Variants in PTPRN2 observed in about 807,000 individuals in gnomAD.
PTPRN2 encodes receptor-type tyrosine-protein phosphatase N2.
A neutral mutation model predicts 118.8 loss-of-function variants in PTPRN2; 74 were observed. The observed-to-expected ratio is 0.62, with a 90% CI of 0.52 to 0.76. PTPRN2 has a LOEUF of 0.76. Among genes scored for constraint, PTPRN2 ranks in the 30% least tolerant of loss-of-function variants. The pLI is 0.00. For missense variants in PTPRN2, 1,481 were observed against 1,394.4 expected, an observed-to-expected ratio of 1.06 and a Z score of -0.99; for synonymous variants, 641 against 608.0, an observed-to-expected ratio of 1.05 and a Z score of -0.80.
intron 3 of PTPRN2, among the ~76,000 whole-genome samples, chr7:158,247,864 C>T (rs968666624): frequency 6.6e-6 from 1 of 152,160 alleles, no homozygotes; most frequent in African/African-American, 2.4e-5. Context: ...GATCCACCCA[C>T]CTTGGCCTCC....
chr7:158,125,146 G>T (rs982269346), intron 9 of PTPRN2, among the ~76,000 whole-genome samples: 4 of 152,094 alleles, frequency 2.6e-5, no homozygotes, highest in Admixed American at 6.5e-5. Flanking sequence ...CCACCCCCCT[G>T]CCTCAAGTGC....
chr7:157,544,290 G>A (rs958450087), intron 22 of PTPRN2, among the ~76,000 whole-genome samples: 29 of 152,338 alleles, frequency 1.9e-4, no homozygotes, highest in African/African-American at 6.3e-4. Flanking sequence ...TGCGCTACGC[G>A]TGACAGAATC....
intron 11 of PTPRN2, among the ~76,000 whole-genome samples, chr7:158,053,682 G>A (rs565388000): frequency 5.3e-5 from 8 of 152,328 alleles, no homozygotes; most frequent in Admixed American, 2.0e-4. Context: ...TGGGACAGCC[G>A]CTGCGGAAGA....
In PTPRN2 at chr7:158,375,735, A is replaced by G. The variant is rs75239378; in HGVS notation, c.164-58803T>C. Reference sequence around the variant, plus strand: ...GCTCCACTAGTGGAAGAGCGGAGGAACAGAAGAGTGGCGTGTCAGGGAAGG... The same window carrying G: ...GCTCCACTAGTGGAAGAGCGGAGGAGCAGAAGAGTGGCGTGTCAGGGAAGG... On this transcript the variant is annotated intron_variant, in intron 2 of 22. Coordinates refer to ENST00000389418, the MANE Select transcript of PTPRN2 (RefSeq NM_002847.5). Among the ~76,000 whole-genome samples the G allele has an allele frequency of 7.2e-3, 1,095 of 152,206 alleles. 10 individuals are homozygous for G. The highest frequency in any genetic ancestry group is 0.025 in the African/African-American group (1,043 of 41,540).
In PTPRN2 at chr7:158,147,557, C is replaced by T. The variant is rs1208230610; in HGVS notation, c.911-9042G>A. 4.2e-5 allele frequency among the ~76,000 whole-genome samples: 6 copies of T among 141,436 alleles called. No homozygotes were observed. In the East Asian group the frequency reaches 8.1e-4, roughly 19 times the overall value. The allele number at this position is 141,436 out of a possible 152,430, so 92.8% of individuals were successfully genotyped here. ...CCATCTCACGCCACGTGTCATTCCC[C>T]CTCACTGACACCCCATCTCACGCCA... On this transcript the variant is annotated intron_variant, in intron 6 of 22. Coordinates refer to ENST00000389418, the MANE Select transcript of PTPRN2 (RefSeq NM_002847.5).
chr7:157,941,652 G>A (rs1800137848), intron 11 of PTPRN2, among the ~76,000 whole-genome samples: 1 of 152,214 alleles, frequency 6.6e-6, no homozygotes, highest in Non-Finnish European at 1.5e-5. Context: ...CCATGCATGT[G>A]TATAAAAGAT....
intron 11 of PTPRN2, among the ~76,000 whole-genome samples, chr7:157,910,295 G>A (rs1383015463): frequency 6.7e-6 from 1 of 148,672 alleles, no homozygotes; most frequent in Non-Finnish European, 1.5e-5. Context: ...GCCGGATCAC[G>A]CACGTACGCC....
At position 158,192,477 on chromosome 7, in the gene PTPRN2, A is replaced by C. The variant is rs757395962; in HGVS notation, c.399T>G (p.Val133=). Residue 133 remains valine (V), a synonymous_variant, in exon 5 of 23, where the codon GTT becomes GTG. Transcript: ENST00000389418. ...SSPARPSKHS[V]GSERRYSREG... Reference sequence around the variant, plus strand: ...CCCGACTGTACCTCCTCTCGCTGCCAACGCTGTGTTTTGAGGGCCTGAAAA... The same window carrying C: ...CCCGACTGTACCTCCTCTCGCTGCCCACGCTGTGTTTTGAGGGCCTGAAAA... 3.8e-6 allele frequency: 6 copies of C among 1,582,664 alleles called. No homozygotes were observed. The South Asian group carries it at 7.0e-5, about 18-fold the overall frequency.
Position 158,060,745 on chromosome 7 carries a change from T to C in PTPRN2, c.1723+20553A>G, listed in dbSNP as rs114949285. On this transcript the variant is annotated intron_variant, in intron 11 of 22. Coordinates refer to ENST00000389418, the MANE Select transcript of PTPRN2 (RefSeq NM_002847.5). ...CAGGCAGCCTGCTAGAGACATTGCA[T>C]TCATTACCTTTGCCTATTTATGAAT... 3.1e-3 allele frequency among the ~76,000 whole-genome samples: 472 copies of C among 152,344 alleles called. 2 individuals carry two copies. Among genetic ancestry groups the C allele is most frequent in the African/African-American group, 0.011 (456 of 41,584 alleles).
intron 3 of PTPRN2, among the ~76,000 whole-genome samples, chr7:158,249,586 C>T (rs924988192): frequency 2.0e-5 from 3 of 152,100 alleles, no homozygotes; most frequent in African/African-American, 7.2e-5. Flanking sequence ...CATGCACACG[C>T]ATCACACACA....
In PTPRN2 at chr7:158,294,307, G is replaced by A. The variant is rs572970372; in HGVS notation, c.277+22512C>T. Reference sequence around the variant, plus strand: ...ACAAGAATATCTAAGGACCTTCTGAGACACAAAAGCTTGATTCTCAAATAC... The same window carrying A: ...ACAAGAATATCTAAGGACCTTCTGAAACACAAAAGCTTGATTCTCAAATAC... On this transcript the variant is annotated intron_variant, in intron 3 of 22. Transcript: ENST00000389418. 4.6e-5 allele frequency among the ~76,000 whole-genome samples: 7 copies of A among 152,316 alleles called. No individual in the cohort carries two copies. In the South Asian group the frequency reaches 1.2e-3, roughly 27 times the overall value.
In PTPRN2 at chr7:158,352,300, T is replaced by C. The variant is rs1424148602; in HGVS notation, c.164-35368A>G. ...CACTCCCCTCCTGTCTGCTCCCCTCTTGACTGCTCCCCTCCCTGCCAGCTA... is the reference window on the plus strand; with the variant it reads ...CACTCCCCTCCTGTCTGCTCCCCTCCTGACTGCTCCCCTCCCTGCCAGCTA... On this transcript the variant is annotated intron_variant, in intron 2 of 22. Transcript: ENST00000389418. Among the ~76,000 whole-genome samples, 4 of 69,060 alleles carry C rather than the reference T, an allele frequency of 5.8e-5. 1 individual carries two copies. The highest frequency in any genetic ancestry group is 1.2e-4 in the African/African-American group (2 of 16,178). 45.3% of individuals were successfully genotyped at this position (69,060 alleles called of 152,430 possible). A position where few individuals can be genotyped will look rare whatever the true frequency, so the allele number is the denominator to read the frequency against.
At chr7:158,333,356 C>A (rs1454618131) in intron 2 of PTPRN2, among the ~76,000 whole-genome samples, 2 of 140,258 alleles carry the variant, frequency 1.4e-5, no homozygotes, top group African/African-American at 2.7e-5. Context: ...CACCTGCAGA[C>A]GTCACTCACA....
intron 15 of PTPRN2, among the ~76,000 whole-genome samples, chr7:157,605,942 A>G (rs1371374154): frequency 6.6e-6 from 1 of 152,204 alleles, no homozygotes; most frequent in Non-Finnish European, 1.5e-5. Flanking sequence ...TGCTTCATGG[A>G]GGACCTGCCC....
intron 12 of PTPRN2, among the ~76,000 whole-genome samples, chr7:157,685,404 C>A (rs1220716157): frequency 3.3e-5 from 5 of 152,096 alleles, no homozygotes; most frequent in Admixed American, 6.5e-5. Context: ...GGCGGGGCCA[C>A]GGCGTGTGGC....
At chr7:158,299,763 C>A (rs957786205) in intron 3 of PTPRN2, among the ~76,000 whole-genome samples, 2 of 152,206 alleles carry the variant, frequency 1.3e-5, no homozygotes, top group Admixed American at 6.5e-5. Context: ...AGCTCCCTCA[C>A]CTCCCTCAGG....
intron 2 of PTPRN2, among the ~76,000 whole-genome samples, chr7:158,413,080 G>A (rs1025654753): frequency 7.8e-5 from 10 of 127,760 alleles, no homozygotes; most frequent in East Asian, 5.2e-4. Context: ...CCGTCTCAGC[G>A]CCCTCCTCAG....
At chr7:158,376,254 A>AG (rs1554483960) in intron 2 of PTPRN2, among the ~76,000 whole-genome samples, 1 of 148,768 alleles carries the variant, frequency 6.7e-6, no homozygotes, top group Non-Finnish European at 1.5e-5. Context: ...TCCTGCATGC[A>AG]GGGTCAGGGG....
intron 11 of PTPRN2, among the ~76,000 whole-genome samples, chr7:158,014,959 A>G (rs1259403827): frequency 6.6e-6 from 1 of 152,234 alleles, no homozygotes; most frequent in East Asian, 1.9e-4. Flanking sequence ...TTTTTAGTGC[A>G]AAAGCTTACT....
Sources: gnomAD v4.1 joint callset for allele counts (sites outside exome capture counted in the v4.1 genomes callset) on GRCh38, gnomAD v4.1.1 for gene constraint, MANE v1.5 for transcripts, NCBI Gene and HGNC (gene_info 2026-07-23, HGNC 2026-07-21) for gene names.